IMMT: variants seen among roughly 807,000 people sequenced by gnomAD.
IMMT encodes the protein inner membrane mitochondrial protein.
Under a neutral mutation model 92.7 loss-of-function variants are expected in IMMT, and 40 were observed. That is an observed-to-expected ratio of 0.43 (90% CI 0.34 to 0.56). IMMT has a LOEUF of 0.56. Among genes scored for constraint, IMMT ranks in the 20% least tolerant of loss-of-function variants. The pLI is 0.03. For synonymous variants in IMMT, 322 were observed against 336.1 expected (o/e 0.96, Z 0.46); for missense variants, 831 against 912.1 (o/e 0.91, Z 1.14).
chr2:86,173,369 G>A (rs1038282590), intron 4 of IMMT: 1 of 332,522 alleles, frequency 3.0e-6, no homozygotes, highest in African/African-American at 2.2e-5. Context: ...TCACCTGAGA[G>A]CGGGAGTTTG....
intron 13 of IMMT, among the ~76,000 whole-genome samples, chr2:86,146,598 C>G (rs185531694): frequency 6.6e-6 from 1 of 152,096 alleles, no homozygotes; most frequent in Non-Finnish European, 1.5e-5. Flanking sequence ...CTCTTAACCT[C>G]GTGATCCGCC....
intron 1 of IMMT, among the ~76,000 whole-genome samples, chr2:86,189,979 G>A (rs1164946259): frequency 6.6e-6 from 1 of 152,142 alleles, no homozygotes; most frequent in African/African-American, 2.4e-5. Context: ...TATAGAAATG[G>A]CAGATACTTA....
At chr2:86,155,911 G>A (rs996809791) in intron 10 of IMMT, among the ~76,000 whole-genome samples, 1 of 152,082 alleles carries the variant, frequency 6.6e-6, no homozygotes, top group African/African-American at 2.4e-5. Context: ...CTGTGAGAGG[G>A]AAACTTCAAA....
At position 86,144,879 on chromosome 2, in the gene IMMT, GGCCT is replaced by G. The variant is rs1249092393; in HGVS notation, c.1664-2_1665del. The G allele has an allele frequency of 1.9e-6, 3 of 1,582,840 alleles. No individual in the cohort carries two copies. In the Admixed American group the frequency reaches 5.6e-5, roughly 29 times the overall value. ...CTGGCTTCCTCTTCAGCAACTGCAT[GGCCT>G]ACAAAGAAAAAAAGGCAAAGCCAAA... On this transcript the variant is annotated splice_acceptor_variant and coding_sequence_variant, in exon 15 of 15. Coordinates refer to ENST00000410111, the MANE Select transcript of IMMT (RefSeq NM_006839.3). LOFTEE classifies it high-confidence loss of function.
chr2:86,167,831 T>C (rs1347960565), intron 6 of IMMT, among the ~76,000 whole-genome samples: 1 of 152,192 alleles, frequency 6.6e-6, no homozygotes, highest in African/African-American at 2.4e-5. Flanking sequence ...AAAAGTGTTT[T>C]TTTTTTTCAA....
chr2:86,179,922 C>T (rs1030398031), intron 2 of IMMT, among the ~76,000 whole-genome samples: 1 of 96,344 alleles, frequency 1.0e-5, no homozygotes, highest in African/African-American at 4.6e-5. Context: ...CCCACCACAC[C>T]CTGCCAAAAA....
intron 1 of IMMT, among the ~76,000 whole-genome samples, chr2:86,186,545 A>T (rs538666567): frequency 6.6e-6 from 1 of 152,284 alleles, no homozygotes; most frequent in East Asian, 1.9e-4. Context: ...CTCTTGTCAC[A>T]CTTGCCCTTG....
At chr2:86,192,614 G>A (rs1673215409) in intron 1 of IMMT, among the ~76,000 whole-genome samples, 1 of 152,162 alleles carries the variant, frequency 6.6e-6, no homozygotes, top group Non-Finnish European at 1.5e-5. Context: ...TTTAAAGGTG[G>A]AAACTGTGTA....
rs548731236 is a variant in IMMT, at chr2:86,149,879, CA to C, written c.1401+1417del. On this transcript the variant is annotated intron_variant, in intron 12 of 14. Transcript: ENST00000410111. ...TGGGCCACAAAGACAGACTCTGTCT[CA>C]AAAAAAAAAAAAAAAAAAGAAAGAA... 7.3e-3 allele frequency among the ~76,000 whole-genome samples: 884 copies of C among 121,358 alleles called. 17 individuals are homozygous for C. The East Asian group carries it at 0.12, about 16-fold the overall frequency. The allele number at this position is 121,358 out of a possible 152,430, so 79.6% of individuals were successfully genotyped here.
At position 86,144,344 on chromosome 2, in the gene IMMT, G is replaced by GT; in HGVS notation, c.2200dup (p.Thr734AsnfsTer47). 6.2e-7 allele frequency: 1 copy of GT among 1,613,926 alleles called. No homozygotes were observed. Among genetic ancestry groups the GT allele is most frequent in the Non-Finnish European group, 8.5e-7 (1 of 1,179,894 alleles). The stretch of plus-strand genomic sequence containing the variant: ...TGTCAGGATTTCCACTATCTGTTTC[G>GT]TTTCTAGGGTCATTCGGGCTTCCTT... On this transcript the variant is annotated frameshift_variant, in exon 15 of 15. Transcript: ENST00000410111. LOFTEE classifies it high-confidence loss of function.
chr2:86,159,915 G>C, intron 8 of IMMT: 1 of 299,214 alleles, frequency 3.3e-6, no homozygotes. Flanking sequence ...TAAAAGAAAA[G>C]TCAATGAAAG....
chr2:86,185,070 C>T (rs1672677304), intron 1 of IMMT, among the ~76,000 whole-genome samples: 1 of 151,984 alleles, frequency 6.6e-6, no homozygotes, highest in South Asian at 2.1e-4. Context: ...CGCCTGTAGT[C>T]CCAGCTACTC....
chr2:86,168,420 C>G (rs1390387407), intron 6 of IMMT, among the ~76,000 whole-genome samples: 1 of 151,876 alleles, frequency 6.6e-6, no homozygotes, highest in Non-Finnish European at 1.5e-5. Context: ...GTCAGGAGTT[C>G]GAGACCAGGC....
At chr2:86,194,229 T>C (rs767314869) in intron 1 of IMMT, among the ~76,000 whole-genome samples, 1 of 152,260 alleles carries the variant, frequency 6.6e-6, no homozygotes, top group Non-Finnish European at 1.5e-5. Flanking sequence ...GCATGGCTAA[T>C]ACTTTGCAGC....
chr2:86,160,225 A>G (rs1309251344), intron 8 of IMMT, among the ~76,000 whole-genome samples: 5 of 152,236 alleles, frequency 3.3e-5, no homozygotes, highest in Admixed American at 1.3e-4. Flanking sequence ...TTCAGCTCCC[A>G]TATCAGCCTC....
intron 12 of IMMT, among the ~76,000 whole-genome samples, chr2:86,149,258 T>C (rs1190186918): frequency 6.6e-6 from 1 of 152,078 alleles, no homozygotes; most frequent in African/African-American, 2.4e-5. Flanking sequence ...ACAGAGAGGA[T>C]AGAACAATGT....
In IMMT at chr2:86,176,031, G is replaced by A. The variant is rs576455796; in HGVS notation, c.310-2270C>T. Among the ~76,000 whole-genome samples, 12 of 152,316 alleles carry A rather than the reference G, an allele frequency of 7.9e-5. No individual in the cohort carries two copies. In the South Asian group the frequency reaches 1.9e-3, roughly 24 times the overall value. On this transcript the variant is annotated intron_variant, in intron 3 of 14. Transcript: ENST00000410111. ...ATATTTGTAATGAAGGGCAACTGGT[G>A]TACAGCTAAGGGCTTATGTGCAGGA...
intron 1 of IMMT, among the ~76,000 whole-genome samples, chr2:86,187,408 T>C (rs1273005979): frequency 6.6e-6 from 1 of 152,264 alleles, no homozygotes; most frequent in Non-Finnish European, 1.5e-5. Context: ...CATTCCTTTT[T>C]ATGGCTGAAT....
intron 8 of IMMT, 111 bp downstream of exon 8, chr2:86,161,865 G>C: frequency 1.4e-6 from 1 of 716,838 alleles, no homozygotes. Context: ...AAAAGTGAGA[G>C]AAGGGTTTCT....
Sources: allele counts gnomAD v4.1 joint callset (sites outside exome capture counted in the v4.1 genomes callset), GRCh38; gene constraint gnomAD v4.1.1; transcripts MANE v1.5; gene names NCBI Gene and HGNC (gene_info 2026-07-23, HGNC 2026-07-21).